Variants in B4GALNT2 observed in about 807,000 individuals in gnomAD.
B4GALNT2 encodes the protein beta-1,4-N-acetyl-galactosaminyltransferase 2 (SID blood group).
B4GALNT2 carries 42 observed loss-of-function variants against 51.1 expected under a neutral mutation model. That is an observed-to-expected ratio of 0.82 (90% CI 0.64 to 1.06). The LOEUF (loss-of-function observed/expected upper bound fraction) is 1.06, where lower values mean the gene tolerates loss of function less well. B4GALNT2 is among the 50% of genes least tolerant of loss of function. The pLI, the probability that B4GALNT2 is intolerant of heterozygous loss-of-function variation, is 0.00. For missense variants in B4GALNT2, 602 were observed against 633.6 expected, an observed-to-expected ratio of 0.95 and a Z score of 0.54; for synonymous variants, 253 against 251.7, an observed-to-expected ratio of 1.01 and a Z score of -0.05.
chr17:49,164,029 G>A, intron 7 of B4GALNT2, 59 bp from the exon 8 acceptor site: 2 of 1,519,654 alleles, frequency 1.3e-6, no homozygotes, highest in South Asian at 1.2e-5. Flanking sequence ...ATCAAAGCAG[G>A]AAAAGACAGT....
chr17:49,175,045 G>A lies in B4GALNT2; in HGVS notation c.*5317G>A, dbSNP rs1353527508. On this transcript the variant is annotated 3_prime_UTR_variant, in exon 11 of 11. Coordinates refer to ENST00000393354, the MANE Select transcript of B4GALNT2 (RefSeq NM_001159387.2). The stretch of plus-strand genomic sequence containing the variant: ...TGAATAGTCCCATGTTGTCCATCGG[G>A]CCCCTCACAATGCAAAATATAATTA... 2 of 152,114 alleles carry A rather than the reference G, an allele frequency of 1.3e-5. No individual in the cohort carries two copies. The highest frequency in any genetic ancestry group is 3.8e-4 in the East Asian group (2 of 5,198). 9.4% of individuals were successfully genotyped at this position (152,114 alleles called of 1,614,324 possible).
chr17:49,147,272 A>T (rs147155212), intron 3 of B4GALNT2, among the ~76,000 whole-genome samples: 1 of 152,130 alleles, frequency 6.6e-6, no homozygotes. Flanking sequence ...GCTACATTAT[A>T]CTTCCATTAA....
intron 3 of B4GALNT2, among the ~76,000 whole-genome samples, chr17:49,150,894 G>A (rs1483262564): frequency 6.6e-6 from 1 of 151,116 alleles, no homozygotes; most frequent in South Asian, 2.1e-4. Flanking sequence ...ATCCCCCTCT[G>A]CGAGAAACAC....
upstream of B4GALNT2, among the ~76,000 whole-genome samples, chr17:49,129,105 T>C (rs1196590201): frequency 6.6e-6 from 1 of 152,080 alleles, no homozygotes; most frequent in Admixed American, 6.5e-5. Flanking sequence ...TAGTGTCTGA[T>C]GTTGGATGTT....
At chr17:49,126,080 T>C in the B4GALNT2 span, among the ~76,000 whole-genome samples, 3 of 151,998 alleles carry the variant, frequency 2.0e-5, no homozygotes, top group Admixed American at 6.6e-5. Flanking sequence ...GGGGAAAAGA[T>C]TGAGAAATCG....
chr17:49,161,275 G>GAAAA (rs5820749), intron 7 of B4GALNT2, among the ~76,000 whole-genome samples: 1 of 139,402 alleles, frequency 7.2e-6, no homozygotes, highest in Non-Finnish European at 1.5e-5. Flanking sequence ...ACTCTGTCTT[G>GAAAA]AAAAAAAAAA....
At chr17:49,127,357 G>T in the B4GALNT2 span, among the ~76,000 whole-genome samples, 1 of 152,106 alleles carries the variant, frequency 6.6e-6, no homozygotes, top group Non-Finnish European at 1.5e-5. Flanking sequence ...ACACCTTATA[G>T]CATTTGGCAG....
chr17:49,132,554 G>A (rs2042548645), upstream of B4GALNT2: 2 of 413,804 alleles, frequency 4.8e-6, no homozygotes, highest in East Asian at 7.1e-5. Flanking sequence ...CGGGGATTGT[G>A]TTTTTCTTTA....
rs1405774867 is a variant in B4GALNT2 at position 49,159,183 on chromosome 17, C to T, written c.645C>T (p.Thr215=). The change falls in exon 6 of 11, where the codon ACC becomes ACT. Residue 215 remains threonine, a synonymous_variant. Coordinates refer to ENST00000393354, the MANE Select transcript of B4GALNT2 (RefSeq NM_001159387.2). ...LKFILQHVTY[T]STGYQHQKVD... is the part of the protein sequence containing the mutation. ...TCATTCTTCAGCACGTGACATACAC[C>T]AGCACGGGGTACCAGCACCAGAAGG... 6.2e-7 allele frequency: 1 copy of T among 1,614,156 alleles called. No individual in the cohort carries two copies. Among genetic ancestry groups the T allele is most frequent in the Non-Finnish European group, 8.5e-7 (1 of 1,180,022 alleles).
chr17:49,145,671 G>A (rs751017643), intron 3 of B4GALNT2, among the ~76,000 whole-genome samples: 52 of 152,202 alleles, frequency 3.4e-4, no homozygotes, highest in Admixed American at 4.6e-4. Flanking sequence ...TGCCTGGATT[G>A]GGCTATTGTA....
intron 3 of B4GALNT2, chr17:49,148,595 A>T (rs967108451): frequency 4.3e-6 from 2 of 466,240 alleles, no homozygotes; most frequent in Non-Finnish European, 8.3e-6. Flanking sequence ...CCTTGTTGGT[A>T]AGGTACGCGT....
rs891332992 is a variant in B4GALNT2, at chr17:49,175,770, TCACTCGAGG to T, written c.*6047_*6055del. 10 of 152,280 alleles carry T rather than the reference TCACTCGAGG, an allele frequency of 6.6e-5. No homozygotes were observed. The highest frequency in any genetic ancestry group is 2.4e-4 in the African/African-American group (10 of 41,548). The allele number at this position is 152,280 out of a possible 1,614,324, so 9.4% of individuals were successfully genotyped here. ...CCTGCCTGAATAGAACTGAGAGCAG[TCACTCGAGG>T]CACTGCTAGAACAGTCACTGGGGCA... On this transcript the variant is annotated 3_prime_UTR_variant, in exon 11 of 11. Coordinates refer to ENST00000393354, the MANE Select transcript of B4GALNT2 (RefSeq NM_001159387.2).
chr17:49,156,045 C>G (rs758886540), intron 4 of B4GALNT2, among the ~76,000 whole-genome samples: 86 of 152,096 alleles, frequency 5.7e-4, no homozygotes, highest in Non-Finnish European at 1.1e-3. Context: ...CTATTTTAAC[C>G]ATTTTAAAGT....
At chr17:49,150,724 G>A (rs1484311112) in intron 3 of B4GALNT2, among the ~76,000 whole-genome samples, 2 of 151,022 alleles carry the variant, frequency 1.3e-5, no homozygotes, top group Non-Finnish European at 2.9e-5. Flanking sequence ...CTTGACGGCA[G>A]CATGCTCGTT....
At chr17:49,166,319 A>G in intron 9 of B4GALNT2, 65 bp downstream of exon 9, 2 of 986,688 alleles carry the variant, frequency 2.0e-6, no homozygotes, top group South Asian at 1.9e-5. Context: ...GGGAGAAGAG[A>G]GCGGGAAGAA....
rs572794538 is a variant in B4GALNT2 at position 49,136,227 on chromosome 17, C to CAT, written c.14+3430_14+3431dup. Among the ~76,000 whole-genome samples, 263 of 151,836 alleles carry CAT rather than the reference C, an allele frequency of 1.7e-3. 3 individuals are homozygous for CAT. The highest frequency in any genetic ancestry group is 5.7e-3 in the African/African-American group (237 of 41,456). On this transcript the variant is annotated intron_variant, in intron 1 of 10. Transcript: ENST00000393354. The stretch of plus-strand genomic sequence containing the variant: ...TAAAAAGAAGGTATCTCAATCTATT[C>CAT]ATATATATATTTCCCTAATACAGTG...
At chr17:49,125,281 T>G in the B4GALNT2 span, among the ~76,000 whole-genome samples, 8 of 152,302 alleles carry the variant, frequency 5.3e-5, no homozygotes, top group African/African-American at 1.9e-4. Flanking sequence ...TGCCTCAGCC[T>G]CCCGAGTAGC....
intron 9 of B4GALNT2, 31 bp downstream of exon 9, chr17:49,166,285 A>G (rs1446437324): frequency 6.3e-7 from 1 of 1,593,744 alleles, no homozygotes; most frequent in African/African-American, 1.4e-5. Flanking sequence ...TCACCCAGCC[A>G]CAATCTGTAG....
chr17:49,131,611 T>C (rs1315919878), upstream of B4GALNT2, among the ~76,000 whole-genome samples: 1 of 151,912 alleles, frequency 6.6e-6, no homozygotes, highest in Non-Finnish European at 1.5e-5. Flanking sequence ...CAAGAGATTC[T>C]CGTGTTCTCG....
Sources: gnomAD v4.1 joint callset for allele counts (sites outside exome capture counted in the v4.1 genomes callset) on GRCh38, gnomAD v4.1.1 for gene constraint, MANE v1.5 for transcripts, NCBI Gene and HGNC (gene_info 2026-07-23, HGNC 2026-07-21) for gene names.